OAS2: variants seen among roughly 807,000 people sequenced by gnomAD.
The protein encoded by OAS2 is 2'-5'-oligoadenylate synthetase 2.
Under a neutral mutation model 71.3 loss-of-function variants are expected in OAS2, and 67 were observed. That is an observed-to-expected ratio of 0.94 (90% CI 0.77 to 1.15). The LOEUF (loss-of-function observed/expected upper bound fraction) is 1.15, where lower values mean the gene tolerates loss of function less well. Among genes scored for constraint, OAS2 ranks in the 50% most tolerant of loss-of-function variants. The probability of loss-of-function intolerance (pLI) is 0.00; values close to 1 mark genes in which losing one functional copy is unlikely to be tolerated. For synonymous variants in OAS2, 327 were observed against 321.8 expected (o/e 1.02, Z -0.17); for missense variants, 789 against 822.5 (o/e 0.96, Z 0.50).
intron 2 of OAS2, chr12:112,988,551 T>C (rs1187432334): frequency 1.1e-6 from 1 of 920,140 alleles, no homozygotes; most frequent in African/African-American, 1.8e-5. Context: ...AGGTTATAGT[T>C]CACCATGTAC....
chr12:112,987,510 T>C, intron 2 of OAS2: 4 of 1,420,140 alleles, frequency 2.8e-6, no homozygotes, highest in Non-Finnish European at 3.7e-6. Flanking sequence ...ACCCTGATTG[T>C]CTTTGGAGAA....
chr12:113,005,935 A>AC (rs2044330501), intron 7 of OAS2, among the ~76,000 whole-genome samples: 1 of 148,094 alleles, frequency 6.8e-6, no homozygotes, highest in Admixed American at 6.7e-5. Flanking sequence ...AAAAAAAAAA[A>AC]AAAAAAAAAA....
chr12:112,995,297 C>G lies in OAS2; in HGVS notation c.450C>G (p.Ser150Arg), dbSNP rs1348723927. The change falls in exon 3 of 10, where the codon AGC becomes AGG. Residue 150 changes from serine to arginine, a missense_variant and splice_region_variant. Ser to Arg is a moderately radical substitution (Grantham distance 110). Coordinates refer to ENST00000392583, the MANE Select transcript of OAS2 (RefSeq NM_002535.3). ...FEVLAAFNAL[S>R]LNDNPSPWIY... ...GTTCCAATTTCTGTTTCACATCAGG[C>G]TTAAATGATAATCCCAGCCCCTGGA... 6.2e-7 allele frequency: 1 copy of G among 1,604,604 alleles called. No individual in the cohort carries two copies. The highest frequency in any genetic ancestry group is 1.3e-5 in the African/African-American group (1 of 74,376).
chr12:112,995,314 G>T lies in OAS2; in HGVS notation c.467G>T (p.Ser156Ile), dbSNP rs1555228618. The change falls in exon 3 of 10, where the codon AGC (serine) becomes ATC (isoleucine). Residue 156 changes from serine to isoleucine, a missense_variant. Physicochemically the swap from Ser to Ile is moderately radical, Grantham distance 142. Transcript: ENST00000392583. ...FNALSLNDNP[S>I]PWIYRELKRS... is the part of the protein sequence containing the mutation. Reference sequence around the variant, plus strand: ...ACATCAGGCTTAAATGATAATCCCAGCCCCTGGATCTATCGAGAGCTCAAA... The same window carrying T: ...ACATCAGGCTTAAATGATAATCCCATCCCCTGGATCTATCGAGAGCTCAAA... The T allele has an allele frequency of 1.2e-5, 20 of 1,608,804 alleles. No homozygotes were observed. The South Asian group carries it at 2.0e-4, about 16-fold the overall frequency.
intron 2 of OAS2, among the ~76,000 whole-genome samples, chr12:112,991,353 G>A (rs2044191010): frequency 6.6e-6 from 1 of 152,236 alleles, no homozygotes; most frequent in African/African-American, 2.4e-5. Flanking sequence ...ACAGGTCTCA[G>A]TTAGTTTAGA....
Position 113,009,591 on chromosome 12 carries a change from T to C in OAS2, c.*336T>C. 1 of 1,022,414 alleles carries C rather than the reference T, an allele frequency of 9.8e-7. No individual in the cohort carries two copies. Among genetic ancestry groups the C allele is most frequent in the South Asian group, 4.4e-5 (1 of 22,808 alleles). The allele number at this position is 1,022,414 out of a possible 1,614,324, so 63.3% of individuals were successfully genotyped here. On this transcript the variant is annotated 3_prime_UTR_variant, in exon 10 of 10. Coordinates refer to ENST00000392583, the MANE Select transcript of OAS2 (RefSeq NM_002535.3). ...CTTTGGCTTTTGGCTCCACCCTCTT[T>C]AGCTGTTAATTTGAGTACTTATGGC...
chr12:112,987,438 GGA>G, intron 2 of OAS2, 130 bp downstream of exon 2: 1 of 1,466,340 alleles, frequency 6.8e-7, no homozygotes, highest in Non-Finnish European at 9.0e-7. Flanking sequence ...TAGACCCTCA[GGA>G]GAGAAGAATC....
At position 113,006,487 on chromosome 12, in the gene OAS2, C is replaced by T. The variant is rs760225692; in HGVS notation, c.1543C>T (p.Leu515Phe). Residue 515 changes from leucine (L) to phenylalanine (F), a missense_variant, in exon 8 of 10, where the codon CTC becomes TTC. Physicochemically the swap from Leu to Phe is conservative, Grantham distance 22 (BLOSUM62 0). Coordinates refer to ENST00000392583, the MANE Select transcript of OAS2 (RefSeq NM_002535.3). ...CATTGATCTGTATAAATCCTCGGAC[C>T]TCCCGGGAGGAGAGTTTTCTACCTG... ...GLIDLYKSSD[L>F]PGGEFSTCFT... 5.0e-6 allele frequency: 8 copies of T among 1,613,428 alleles called. No individual in the cohort carries two copies. The East Asian group carries it at 1.8e-4, about 36-fold the overall frequency.
intron 6 of OAS2, among the ~76,000 whole-genome samples, chr12:113,003,396 C>T (rs184657732): frequency 3.3e-4 from 50 of 152,274 alleles, no homozygotes; most frequent in Middle Eastern, 3.4e-3. Context: ...TCTGTCATCA[C>T]CTTTTCTTCT....
At chr12:112,982,258 G>C (rs928826479) in intron 1 of OAS2, among the ~76,000 whole-genome samples, 1 of 151,856 alleles carries the variant, frequency 6.6e-6, no homozygotes, top group Non-Finnish European at 1.5e-5. Flanking sequence ...GGACTTCCAG[G>C]ATACAGGCTG....
At chr12:113,006,815 C>T (rs576761253) in intron 8 of OAS2, among the ~76,000 whole-genome samples, 2 of 152,210 alleles carry the variant, frequency 1.3e-5, no homozygotes, top group Non-Finnish European at 2.9e-5. Flanking sequence ...ATGTGGTTTA[C>T]TTTGCCCTCA....
At chr12:112,986,163 G>A (rs2044132625) in intron 1 of OAS2, among the ~76,000 whole-genome samples, 1 of 152,132 alleles carries the variant, frequency 6.6e-6, no homozygotes, top group Non-Finnish European at 1.5e-5. Context: ...TGGAGTCTGT[G>A]GAAAGGCTGT....
intron 2 of OAS2, among the ~76,000 whole-genome samples, chr12:112,991,296 T>C (rs2044190183): frequency 6.6e-6 from 1 of 152,270 alleles, no homozygotes; most frequent in Non-Finnish European, 1.5e-5. Flanking sequence ...CAATTTGTGC[T>C]GTCTGAATCA....
chr12:112,988,336 C>A, intron 2 of OAS2: 1 of 532,324 alleles, frequency 1.9e-6, no homozygotes, highest in Non-Finnish European at 2.4e-6. Context: ...GAGTCTTGAA[C>A]ACAGCCACGT....
intron 2 of OAS2, chr12:112,987,587 A>C: frequency 7.9e-7 from 1 of 1,268,548 alleles, no homozygotes; most frequent in Non-Finnish European, 9.9e-7. Context: ...AATCACCTGG[A>C]ACCTTGTTAA....
chr12:112,987,215 G>A lies in OAS2; in HGVS notation c.355G>A (p.Glu119Lys), dbSNP rs781568740. ...LFTKWLKNNFEIQKSLDGFTI... is the reference protein window; with the variant it reads ...LFTKWLKNNFKIQKSLDGFTI... The stretch of plus-strand genomic sequence containing the variant: ...CACGAAGTGGTTGAAAAACAATTTC[G>A]AGATCCAGAAGTCCCTTGATGGGTT... Residue 119 changes from glutamate to lysine, a missense_variant, in exon 2 of 10, where the codon GAG becomes AAG. Coordinates refer to ENST00000392583, the MANE Select transcript of OAS2 (RefSeq NM_002535.3). 8.7e-6 allele frequency: 14 copies of A among 1,614,038 alleles called. No individual in the cohort carries two copies. Among genetic ancestry groups the A allele is most frequent in the African/African-American group, 1.3e-5 (1 of 74,908 alleles).
chr12:113,007,539 T>C (rs1253926907), intron 8 of OAS2, among the ~76,000 whole-genome samples, 166 bp from the exon 9 acceptor site: 2 of 152,232 alleles, frequency 1.3e-5, no homozygotes, highest in Admixed American at 1.3e-4. Flanking sequence ...TCAAATGTGC[T>C]GCTGCCAGGT....
In OAS2 at chr12:113,005,113, C is replaced by T; in HGVS notation, c.1359C>T (p.Ser453=). 6.2e-7 allele frequency: 1 copy of T among 1,614,124 alleles called. No individual in the cohort carries two copies. The highest frequency in any genetic ancestry group is 1.1e-5 in the South Asian group (1 of 91,072). ...AGAAGGAGGAGGAGCTTGAAGTCAG[C>T]TTTGAGCCTCCCAAGTGGAAGGCTC... ...WREKEEELEV[S]FEPPKWKAPR... Residue 453 remains serine, a synonymous_variant, in exon 7 of 10, where the codon AGC becomes AGT. Coordinates refer to ENST00000392583, the MANE Select transcript of OAS2 (RefSeq NM_002535.3).
At chr12:113,003,607 G>T (rs960308089) in intron 6 of OAS2, among the ~76,000 whole-genome samples, 2 of 152,138 alleles carry the variant, frequency 1.3e-5, no homozygotes, top group African/African-American at 4.8e-5. Flanking sequence ...ATTCTAAGGA[G>T]CTTAGAATCT....
Sources: allele counts gnomAD v4.1 joint callset (sites outside exome capture counted in the v4.1 genomes callset), GRCh38; gene constraint gnomAD v4.1.1; transcripts MANE v1.5; gene names NCBI Gene and HGNC (gene_info 2026-07-23, HGNC 2026-07-21).